NRXN1: variants seen among roughly 807,000 people sequenced by gnomAD.
NRXN1 encodes the protein neurexin 1, also known as neurexin-1.
A neutral mutation model predicts 150.9 loss-of-function variants in NRXN1; 39 were observed. That is an observed-to-expected ratio of 0.26 (90% CI 0.20 to 0.34). NRXN1 has a LOEUF of 0.34. Ranked by LOEUF, NRXN1 falls within the 10% of genes least tolerant of loss-of-function variation. The probability of loss-of-function intolerance (pLI) is 1.00; values close to 1 mark genes in which losing one functional copy is unlikely to be tolerated. For synonymous variants in NRXN1, 924 were observed against 757.0 expected (o/e 1.22, Z -3.62); for missense variants, 1,815 against 1,949.9 (o/e 0.93, Z 1.30).
At chr2:49,968,549 G>A (rs1205168185) in intron 21 of NRXN1, among the ~76,000 whole-genome samples, 6 of 151,960 alleles carry the variant, frequency 3.9e-5, no homozygotes, top group Non-Finnish European at 5.9e-5. Context: ...CTCGGTGTCC[G>A]TAATGCCATT....
chr2:50,117,617 A>C (rs1055170813), intron 18 of NRXN1, among the ~76,000 whole-genome samples: 1 of 152,142 alleles, frequency 6.6e-6, no homozygotes, highest in Non-Finnish European at 1.5e-5. Flanking sequence ...TTCTAGCAAA[A>C]ATCATTTCTT....
intron 5 of NRXN1, among the ~76,000 whole-genome samples, chr2:50,636,103 C>G (rs567597755): frequency 6.6e-6 from 1 of 151,986 alleles, no homozygotes; most frequent in African/African-American, 2.4e-5. Context: ...ATTCTAGGAG[C>G]ACTTGGTTAA....
At chr2:50,155,339 A>C (rs1241869173) in intron 18 of NRXN1, among the ~76,000 whole-genome samples, 1 of 151,470 alleles carries the variant, frequency 6.6e-6, no homozygotes, top group Non-Finnish European at 1.5e-5. Context: ...TTTGGGGTAC[A>C]TTCATTTATT....
At chr2:50,934,823 C>T (rs898017605) in intron 2 of NRXN1, among the ~76,000 whole-genome samples, 36 of 152,012 alleles carry the variant, frequency 2.4e-4, no homozygotes, top group Non-Finnish European at 1.8e-4. Context: ...AAAATAATAA[C>T]AATTAGGAAA....
chr2:51,012,634 G>A (rs1425092732), intron 2 of NRXN1, among the ~76,000 whole-genome samples: 2 of 152,032 alleles, frequency 1.3e-5, no homozygotes, highest in African/African-American at 2.4e-5. Flanking sequence ...AAGGGCTTGA[G>A]AGCACAGAGG....
intron 21 of NRXN1, among the ~76,000 whole-genome samples, chr2:49,992,553 ACT>A (rs1228748878): frequency 2.0e-5 from 3 of 152,008 alleles, no homozygotes; most frequent in Admixed American, 2.0e-4. Context: ...ACAGAGTGAG[ACT>A]CTGTCTCAAA....
At chr2:50,059,406 C>G (rs1471365502) in intron 19 of NRXN1, among the ~76,000 whole-genome samples, 1 of 152,080 alleles carries the variant, frequency 6.6e-6, no homozygotes, top group Non-Finnish European at 1.5e-5. Context: ...TATAAAGATA[C>G]AGTTTGGAAT....
At chr2:50,420,961 CCTGTGT>C (rs1442827836) in intron 17 of NRXN1, among the ~76,000 whole-genome samples, 7 of 115,466 alleles carry the variant, frequency 6.1e-5, no homozygotes, top group Admixed American at 9.0e-5. Context: ...TCAAAATAGA[CCTGTGT>C]GTGTGTGTGT....
At chr2:50,374,696 T>C (rs1022068254) in intron 17 of NRXN1, among the ~76,000 whole-genome samples, 27 of 152,272 alleles carry the variant, frequency 1.8e-4, no homozygotes, top group African/African-American at 6.3e-4. Flanking sequence ...AGTGATTGCA[T>C]GGTGATCTTT....
chr2:49,947,355 T>C (rs929700086), intron 21 of NRXN1, among the ~76,000 whole-genome samples: 1 of 151,982 alleles, frequency 6.6e-6, no homozygotes, highest in Non-Finnish European at 1.5e-5. Context: ...ACCTTTTCCT[T>C]CCTCCACCTG....
intron 17 of NRXN1, among the ~76,000 whole-genome samples, chr2:50,338,382 T>C (rs886263756): frequency 5.9e-5 from 9 of 152,012 alleles, no homozygotes; most frequent in African/African-American, 1.9e-4. Flanking sequence ...TTTTCAGAAA[T>C]GAGTATGAAA....
At chr2:50,709,545 G>C (rs1443767534) in intron 5 of NRXN1, among the ~76,000 whole-genome samples, 1 of 152,080 alleles carries the variant, frequency 6.6e-6, no homozygotes, top group African/African-American at 2.4e-5. Context: ...ACTTTAGAAA[G>C]AGGGTGCCAT....
At chr2:50,392,278 C>T (rs978502527) in intron 17 of NRXN1, among the ~76,000 whole-genome samples, 7 of 152,194 alleles carry the variant, frequency 4.6e-5, no homozygotes, top group South Asian at 2.1e-4. Context: ...GTCTTACTGC[C>T]TTTCTAATTC....
At chr2:50,068,903 T>C (rs1377673273) in intron 19 of NRXN1, among the ~76,000 whole-genome samples, 3 of 152,178 alleles carry the variant, frequency 2.0e-5, no homozygotes, top group Non-Finnish European at 4.4e-5. Context: ...CGAACGTAGG[T>C]GCTTTATCAA....
chr2:50,393,018 A>G (rs905046997), intron 17 of NRXN1, among the ~76,000 whole-genome samples: 2 of 152,084 alleles, frequency 1.3e-5, no homozygotes, highest in African/African-American at 4.8e-5. Context: ...GGGAAAGAAG[A>G]AAAAGGGGAG....
At chr2:49,994,739 C>A (rs1682644157) in intron 21 of NRXN1, among the ~76,000 whole-genome samples, 1 of 152,204 alleles carries the variant, frequency 6.6e-6, no homozygotes, top group Non-Finnish European at 1.5e-5. Context: ...CATGCTCATT[C>A]ATTCTCATTT....
chr2:50,460,769 C>T (rs561395615), intron 17 of NRXN1, among the ~76,000 whole-genome samples: 72 of 152,018 alleles, frequency 4.7e-4, no homozygotes, highest in African/African-American at 1.7e-3. Context: ...CCTGTTTCCC[C>T]ATAGTTTTTT....
chr2:50,694,675 C>A (rs1468593022), intron 5 of NRXN1, among the ~76,000 whole-genome samples: 1 of 152,044 alleles, frequency 6.6e-6, no homozygotes, highest in Non-Finnish European at 1.5e-5. Context: ...TACCAAAGAA[C>A]AAATCAATTG....
intron 17 of NRXN1, among the ~76,000 whole-genome samples, chr2:50,462,784 A>G (rs1350929126): frequency 1.3e-5 from 2 of 151,890 alleles, no homozygotes; most frequent in Non-Finnish European, 2.9e-5. Context: ...GATTACATTT[A>G]CAAGCTACAA....
Sources: allele counts gnomAD v4.1 joint callset (sites outside exome capture counted in the v4.1 genomes callset), GRCh38; gene constraint gnomAD v4.1.1; transcripts MANE v1.5; gene names NCBI Gene and HGNC (gene_info 2026-07-23, HGNC 2026-07-21).